ZNF564: variants seen among roughly 807,000 people sequenced by gnomAD.
ZNF564 encodes the protein zinc finger protein 564.
A neutral mutation model predicts 10.5 loss-of-function variants in ZNF564; 5 were observed. The observed-to-expected ratio is 0.48, with a 90% CI of 0.25 to 1.00. The LOEUF is 1.00. Ranked by LOEUF, ZNF564 falls within the 50% of genes least tolerant of loss-of-function variation. The pLI, the probability that ZNF564 is intolerant of heterozygous loss-of-function variation, is 0.16. For missense variants in ZNF564, 603 were observed against 669.7 expected (o/e 0.90, Z 1.10); for synonymous variants, 242 against 218.1 (o/e 1.11, Z -0.97).
At position 12,535,084 on chromosome 19, in the gene ZNF564, C is replaced by T. The variant is rs1355106955; in HGVS notation, c.4-6388G>A. Among the ~76,000 whole-genome samples, 4 of 151,856 alleles carry T rather than the reference C, an allele frequency of 2.6e-5. No homozygotes were observed. In the East Asian group the frequency reaches 5.8e-4, roughly 22 times the overall value. On this transcript the variant is annotated intron_variant, in intron 1 of 3. Transcript: ENST00000339282. ...AAGACATAGAGGAAATTTAAAAGTA[C>T]GTCACTGGGCCAGGTGTGGTGGCTC...
At chr19:12,531,986 C>G (rs2021809809) in intron 1 of ZNF564, among the ~76,000 whole-genome samples, 1 of 151,958 alleles carries the variant, frequency 6.6e-6, no homozygotes, top group Admixed American at 6.6e-5. Context: ...ATATAAAATG[C>G]TAACATTAAT....
intron 1 of ZNF564, among the ~76,000 whole-genome samples, chr19:12,531,676 A>G (rs2021804515): frequency 6.6e-6 from 1 of 152,218 alleles, no homozygotes; most frequent in African/African-American, 2.4e-5. Context: ...ACAAAGGCTC[A>G]CTAACAAATC....
chr19:12,546,345 C>T (rs1271309668), intron 1 of ZNF564, among the ~76,000 whole-genome samples: 2 of 152,192 alleles, frequency 1.3e-5, no homozygotes, highest in African/African-American at 2.4e-5. Flanking sequence ...TCCACCACCA[C>T]CACCACCCTT....
At chr19:12,528,042 G>C (rs775349347) in intron 3 of ZNF564, 126 bp from the exon 4 acceptor site, 414 of 1,078,298 alleles carry the variant, frequency 3.8e-4, no homozygotes, top group Non-Finnish European at 5.3e-4. Flanking sequence ...TTGTTTGAAA[G>C]TGAATGGATG....
At chr19:12,550,233 A>C in intron 1 of ZNF564, 1 of 152,492 alleles carries the variant, frequency 6.6e-6, no homozygotes, top group South Asian at 1.9e-4. Context: ...TGGAGGTTGC[A>C]GTGAGCTGAG....
At chr19:12,535,782 C>A (rs1218248143) in intron 1 of ZNF564, among the ~76,000 whole-genome samples, 2 of 151,960 alleles carry the variant, frequency 1.3e-5, no homozygotes, top group Non-Finnish European at 2.9e-5. Context: ...TTGGGAGGCT[C>A]AGACAGGCAG....
rs1261139205 is a variant in ZNF564, at chr19:12,528,594, T to C, written c.106A>G (p.Thr36Ala). 6.2e-7 allele frequency: 1 copy of C among 1,613,848 alleles called. No homozygotes were observed. The highest frequency in any genetic ancestry group is 8.5e-7 in the Non-Finnish European group (1 of 1,179,952). Residue 36 changes from threonine to alanine, a missense_variant, in exon 2 of 4, where the codon ACC becomes GCC. By Grantham distance (58) the Thr-to-Ala change is moderately conservative. Transcript: ENST00000339282. ...KKLYRDVMRE[T>A]FRNLACVGKK... The stretch of plus-strand genomic sequence containing the variant: ...CCTACACAGGCCAGGTTTCTAAAGG[T>C]TTCCCGCATCACATCTCTGTAGAGT...
chr19:12,541,616 G>C (rs917617784), intron 1 of ZNF564: 1 of 152,086 alleles, frequency 6.6e-6, no homozygotes, highest in East Asian at 1.9e-4. Context: ...TTAGAAAAGA[G>C]GCTGAATATT....
In ZNF564 at chr19:12,528,721, C is replaced by T. The variant is rs765789526; in HGVS notation, c.4-25G>A. 1.9e-6 allele frequency: 3 copies of T among 1,596,688 alleles called. No individual in the cohort carries two copies. The Admixed American group carries it at 5.5e-5, about 29-fold the overall frequency. On this transcript the variant is annotated intron_variant, in intron 1 of 3. Coordinates refer to ENST00000339282, the MANE Select transcript of ZNF564 (RefSeq NM_144976.4). ...CCTAAAACATCCCAAATATGCAATGCAGGAGGAAGAATGAGATGACAGTAC... is the reference window on the plus strand; with the variant it reads ...CCTAAAACATCCCAAATATGCAATGTAGGAGGAAGAATGAGATGACAGTAC...
At chr19:12,533,659 G>A (rs1201882982) in intron 1 of ZNF564, among the ~76,000 whole-genome samples, 1 of 147,846 alleles carries the variant, frequency 6.8e-6, no homozygotes, top group Admixed American at 6.8e-5. Context: ...CCTGGGAGAT[G>A]GAGGTTACAG....
rs35579993 is a variant in ZNF564 at position 12,528,379 on chromosome 19, G to GA, written c.131-16dup. On this transcript the variant is annotated splice_polypyrimidine_tract_variant and intron_variant, in intron 2 of 3. Transcript: ENST00000339282. The stretch of plus-strand genomic sequence containing the variant: ...CCATTTTTTTCCTAAAATATAGTCA[G>GA]AAAAAATCCTTATGAACTGATAGAC... 40 of 1,599,056 alleles carry GA rather than the reference G, an allele frequency of 2.5e-5. No homozygotes were observed. The South Asian group carries it at 3.3e-4, about 13-fold the overall frequency.
At chr19:12,535,342 C>A (rs556692308) in intron 1 of ZNF564, among the ~76,000 whole-genome samples, 13 of 152,192 alleles carry the variant, frequency 8.5e-5, no homozygotes, top group Admixed American at 3.9e-4. Context: ...CACTGCACTC[C>A]AGCCTGGGTG....
chr19:12,537,549 A>G (rs1049983201), intron 1 of ZNF564, among the ~76,000 whole-genome samples: 1 of 151,974 alleles, frequency 6.6e-6, no homozygotes, highest in Admixed American at 6.6e-5. Flanking sequence ...GACCAGCCTG[A>G]CCAAAAAGGA....
intron 1 of ZNF564, among the ~76,000 whole-genome samples, chr19:12,539,169 C>T (rs1182679805): frequency 7.1e-6 from 1 of 140,506 alleles, no homozygotes; most frequent in African/African-American, 2.7e-5. Flanking sequence ...AGGAGGCAGA[C>T]ATTGCAGTAA....
At chr19:12,540,045 G>C (rs764911512) in intron 1 of ZNF564, among the ~76,000 whole-genome samples, 1 of 151,850 alleles carries the variant, frequency 6.6e-6, no homozygotes, top group Non-Finnish European at 1.5e-5. Flanking sequence ...TGCCACTTGC[G>C]TAAGATTCAT....
intron 1 of ZNF564, among the ~76,000 whole-genome samples, chr19:12,547,204 T>C (rs1190979791): frequency 1.3e-5 from 2 of 152,264 alleles, no homozygotes; most frequent in South Asian, 2.1e-4. Context: ...GCTGGGACTA[T>C]AGGTGTGCAC....
intron 1 of ZNF564, among the ~76,000 whole-genome samples, chr19:12,538,934 A>G (rs1325481580): frequency 5.9e-5 from 9 of 152,044 alleles, no homozygotes. Context: ...TATGTTAAAA[A>G]TAGGGGAGGT....
At chr19:12,539,649 C>T (rs543539377) in intron 1 of ZNF564, among the ~76,000 whole-genome samples, 2 of 146,764 alleles carry the variant, frequency 1.4e-5, no homozygotes, top group Non-Finnish European at 3.0e-5. Context: ...GCCTGGGCGA[C>T]AGAGCGACAA....
chr19:12,534,868 G>C (rs756969601), intron 1 of ZNF564, among the ~76,000 whole-genome samples: 1 of 151,880 alleles, frequency 6.6e-6, no homozygotes, highest in Non-Finnish European at 1.5e-5. Context: ...CATGCTCCTT[G>C]GTATTTATCA....
Sources: gnomAD v4.1 joint callset for allele counts (sites outside exome capture counted in the v4.1 genomes callset) on GRCh38, gnomAD v4.1.1 for gene constraint, MANE v1.5 for transcripts, NCBI Gene and HGNC (gene_info 2026-07-23, HGNC 2026-07-21) for gene names.